The following ADGRB3 variants were observed in gnomAD, a reference collection of about 807,000 sequenced individuals.
ADGRB3 encodes the protein brain-specific angiogenesis inhibitor 3.
ADGRB3 carries 37 observed loss-of-function variants against 193.4 expected under a neutral mutation model. That is an observed-to-expected ratio of 0.19 (90% confidence interval 0.15 to 0.25). The LOEUF (loss-of-function observed/expected upper bound fraction) is 0.25, where lower values mean the gene tolerates loss of function less well. Ranked by LOEUF, ADGRB3 falls within the 10% of genes least tolerant of loss-of-function variation. ADGRB3 has a pLI of 1.00. For synonymous variants in ADGRB3, 690 were observed against 644.2 expected (o/e 1.07, Z -1.08); for missense variants, 1,637 against 1,852.9 (o/e 0.88, Z 2.14).
chr6:68,853,598 A>T (rs1441758043), intron 3 of ADGRB3, among the ~76,000 whole-genome samples: 1 of 152,096 alleles, frequency 6.6e-6, no homozygotes, highest in African/African-American at 2.4e-5. Context: ...ACTGTATAGG[A>T]TATATTATAC....
intron 20 of ADGRB3, among the ~76,000 whole-genome samples, chr6:69,256,081 T>A (rs1766763001): frequency 1.3e-5 from 2 of 151,786 alleles, no homozygotes; most frequent in Admixed American, 6.6e-5. Context: ...TTGGTACCAG[T>A]ACCATGCTGT....
Position 69,267,507 on chromosome 6 carries a change from C to A in ADGRB3, c.2814+28281C>A, listed in dbSNP as rs188672766. On this transcript the variant is annotated intron_variant, in intron 20 of 31. Transcript: ENST00000370598. The stretch of plus-strand genomic sequence containing the variant: ...AATCTGTGCTTCTGCAAAAATCTAA[C>A]AAGTAAAAGATGCAGAGTTTAAAAA... Among the ~76,000 whole-genome samples the A allele has an allele frequency of 1.4e-3, 211 of 152,186 alleles. 1 individual carries two copies. The highest frequency in any genetic ancestry group is 4.8e-3 in the African/African-American group (200 of 41,544).
At position 68,959,479 on chromosome 6, in the gene ADGRB3, T is replaced by A. The variant is rs564665496; in HGVS notation, c.1525+2670T>A. On this transcript the variant is annotated intron_variant, in intron 8 of 31. Coordinates refer to ENST00000370598, the MANE Select transcript of ADGRB3 (RefSeq NM_001704.3). ...ATTTTATACTTCACTTAATTTGGAGTCAAAACAAATTAATCAAGTTTACTA... is the reference window on the plus strand; with the variant it reads ...ATTTTATACTTCACTTAATTTGGAGACAAAACAAATTAATCAAGTTTACTA... Among the ~76,000 whole-genome samples, 60 of 152,202 alleles carry A rather than the reference T, an allele frequency of 3.9e-4. 1 individual carries two copies. Among genetic ancestry groups the A allele is most frequent in the African/African-American group, 1.3e-3 (56 of 41,544 alleles).
At chr6:69,339,759 T>C (rs1477732337) in intron 26 of ADGRB3, among the ~76,000 whole-genome samples, 1 of 152,150 alleles carries the variant, frequency 6.6e-6, no homozygotes, top group Non-Finnish European at 1.5e-5. Context: ...CCAGGAAGAA[T>C]AGATTTAAAA....
At chr6:69,130,463 C>T (rs183212519) in intron 17 of ADGRB3, among the ~76,000 whole-genome samples, 145 of 150,944 alleles carry the variant, frequency 9.6e-4, no homozygotes, top group Middle Eastern at 3.4e-3. Context: ...CCCTCACTGA[C>T]ACTAGTATTC....
At chr6:69,077,160 G>C (rs924031137) in intron 17 of ADGRB3, among the ~76,000 whole-genome samples, 3 of 151,966 alleles carry the variant, frequency 2.0e-5, no homozygotes, top group African/African-American at 7.2e-5. Flanking sequence ...AACATGAGCT[G>C]GATAGCCTTA....
chr6:69,254,538 T>A (rs912960680), intron 20 of ADGRB3, among the ~76,000 whole-genome samples: 1 of 152,116 alleles, frequency 6.6e-6, no homozygotes, highest in Non-Finnish European at 1.5e-5. Context: ...TATCTTTATG[T>A]TTTTTCTTTT....
intron 3 of ADGRB3, among the ~76,000 whole-genome samples, chr6:68,681,094 G>A (rs1764886165): frequency 6.6e-6 from 1 of 152,018 alleles, no homozygotes; most frequent in Non-Finnish European, 1.5e-5. Context: ...AAAGAAGAGG[G>A]CAAAGGAGAG....
intron 3 of ADGRB3, among the ~76,000 whole-genome samples, chr6:68,908,764 T>TA (rs1216222520): frequency 6.6e-6 from 1 of 152,164 alleles, no homozygotes; most frequent in Non-Finnish European, 1.5e-5. Flanking sequence ...ATTTTTATCT[T>TA]GAAGTTATAA....
chr6:68,852,356 A>C (rs1326151403), intron 3 of ADGRB3, among the ~76,000 whole-genome samples: 2 of 151,946 alleles, frequency 1.3e-5, no homozygotes, highest in Non-Finnish European at 2.9e-5. Context: ...CTAAATTAGC[A>C]TATATTGAAT....
intron 3 of ADGRB3, among the ~76,000 whole-genome samples, chr6:68,672,485 A>G (rs1235044830): frequency 6.6e-6 from 1 of 151,970 alleles, no homozygotes; most frequent in Admixed American, 6.6e-5. Context: ...TGTTTCAAGA[A>G]ATTTTTACTG....
intron 3 of ADGRB3, among the ~76,000 whole-genome samples, chr6:68,693,792 C>G (rs768369099): frequency 1.3e-5 from 2 of 151,906 alleles, no homozygotes; most frequent in Admixed American, 6.6e-5. Flanking sequence ...GTGAAGAAAA[C>G]TTTGCATTGG....
chr6:69,259,692 T>C (rs1380666780), intron 20 of ADGRB3, among the ~76,000 whole-genome samples: 1 of 102,236 alleles, frequency 9.8e-6, no homozygotes, highest in Non-Finnish European at 1.9e-5. Context: ...CGAGACTCTG[T>C]CTCAAAAAAA....
intron 3 of ADGRB3, among the ~76,000 whole-genome samples, chr6:68,832,462 A>G (rs1159679535): frequency 6.6e-6 from 1 of 152,156 alleles, no homozygotes; most frequent in African/African-American, 2.4e-5. Context: ...AGTTTCCCAC[A>G]TTAATTTGCC....
chr6:69,178,524 G>A (rs1775493983), intron 17 of ADGRB3, among the ~76,000 whole-genome samples: 1 of 152,080 alleles, frequency 6.6e-6, no homozygotes, highest in South Asian at 2.1e-4. Context: ...TTGCTTTGTG[G>A]TTTCTATTGC....
At chr6:69,163,873 C>A (rs1025288088) in intron 17 of ADGRB3, among the ~76,000 whole-genome samples, 6 of 152,016 alleles carry the variant, frequency 3.9e-5, no homozygotes, top group African/African-American at 1.2e-4. Flanking sequence ...AGAGTAGATC[C>A]TTCAGGTATT....
In ADGRB3 at chr6:69,089,187, A is replaced by T. The variant is rs189803539; in HGVS notation, c.2480+13149A>T. Among the ~76,000 whole-genome samples, 67 of 152,358 alleles carry T rather than the reference A, an allele frequency of 4.4e-4. 1 individual carries two copies. Among genetic ancestry groups the T allele is most frequent in the African/African-American group, 1.5e-3 (63 of 41,592 alleles). On this transcript the variant is annotated intron_variant, in intron 17 of 31. Coordinates refer to ENST00000370598, the MANE Select transcript of ADGRB3 (RefSeq NM_001704.3). ...TCTACTATTATTGGAAGTAGACAGCAGTATTTTCTAATGAATTGTATTGCA... is the reference window on the plus strand; with the variant it reads ...TCTACTATTATTGGAAGTAGACAGCTGTATTTTCTAATGAATTGTATTGCA...
intron 3 of ADGRB3, among the ~76,000 whole-genome samples, chr6:68,846,198 G>C (rs1404362324): frequency 6.6e-6 from 1 of 152,146 alleles, no homozygotes; most frequent in Non-Finnish European, 1.5e-5. Context: ...GAATTTCTAA[G>C]CAGCAAAGCA....
At chr6:68,718,025 A>G (rs767758255) in intron 3 of ADGRB3, among the ~76,000 whole-genome samples, 4 of 151,786 alleles carry the variant, frequency 2.6e-5, no homozygotes, top group Non-Finnish European at 5.9e-5. Context: ...AGTAAATACA[A>G]AACTTCTAAA....
Sources: allele counts gnomAD v4.1 joint callset (sites outside exome capture counted in the v4.1 genomes callset), GRCh38; gene constraint gnomAD v4.1.1; transcripts MANE v1.5; gene names NCBI Gene and HGNC (gene_info 2026-07-23, HGNC 2026-07-21).